The following SLC22A23 variants were observed in gnomAD, a reference collection of about 807,000 sequenced individuals.
The protein encoded by SLC22A23 is ion transporter protein.
Under a neutral mutation model 61.0 loss-of-function variants are expected in SLC22A23, and 26 were observed. That is an observed-to-expected ratio of 0.43 (90% confidence interval 0.31 to 0.59). The LOEUF is 0.59. SLC22A23 is among the 20% of genes least tolerant of loss of function. The probability of loss-of-function intolerance (pLI) is 0.11; values close to 1 mark genes in which losing one functional copy is unlikely to be tolerated. For missense variants in SLC22A23, 796 were observed against 934.7 expected (o/e 0.85, Z 1.94); for synonymous variants, 430 against 413.9 (o/e 1.04, Z -0.47).
At chr6:3,368,754 G>A (rs1766006748) in intron 3 of SLC22A23, among the ~76,000 whole-genome samples, 1 of 152,204 alleles carries the variant, frequency 6.6e-6, no homozygotes, top group Non-Finnish European at 1.5e-5. Context: ...AGTGAGGAAA[G>A]ACAGCCAAGA....
chr6:3,456,406 G>A lies in SLC22A23; in HGVS notation c.154C>T (p.Pro52Ser), dbSNP rs1486485445. Residue 52 changes from proline to serine, a missense_variant, in exon 1 of 10, where the codon CCG (proline) becomes TCG (serine). Physicochemically the swap from Pro to Ser is moderately conservative, Grantham distance 74 (BLOSUM62 -1). Coordinates refer to ENST00000406686, the MANE Select transcript of SLC22A23 (RefSeq NM_015482.2). This position sits in a 1 kb window ranked among gnomAD's most constrained non-coding sequence, Gnocchi z 7.1. ...CCTCCAGGATGCAGTGGGGGCAGCG[G>A]CTGGATCTCCGCGCCGCCGCCGGGG... ...AGPGGGAEIQ[P>S]LPPLHPGGGP... 2 of 1,436,680 alleles carry A rather than the reference G, an allele frequency of 1.4e-6. No homozygotes were observed. Among genetic ancestry groups the A allele is most frequent in the African/African-American group, 1.5e-5 (1 of 67,948 alleles). 89.0% of individuals were successfully genotyped at this position (1,436,680 alleles called of 1,614,324 possible). A position where few individuals can be genotyped will look rare whatever the true frequency, so the allele number is the denominator to read the frequency against.
intron 3 of SLC22A23, among the ~76,000 whole-genome samples, chr6:3,406,547 T>TGC (rs10554434): frequency 2.2e-5 from 2 of 89,116 alleles, no homozygotes; most frequent in Non-Finnish European, 2.4e-5. Flanking sequence ...TGTGTGTGTG[T>TGC]GCGCGCATGT....
intron 9 of SLC22A23, chr6:3,283,385 T>G (rs1759658953): frequency 4.7e-6 from 1 of 212,308 alleles, no homozygotes; most frequent in Non-Finnish European, 9.7e-6. Flanking sequence ...TGAGCCAAGA[T>G]CATGCCATTG....
chr6:3,371,366 C>G lies in SLC22A23; in HGVS notation c.913+38822G>C, dbSNP rs140036280. 1.5e-3 allele frequency among the ~76,000 whole-genome samples: 236 copies of G among 152,334 alleles called. 1 individual carries two copies. The highest frequency in any genetic ancestry group is 2.7e-3 in the Non-Finnish European group (186 of 68,032). ...TTGCCAGGGCTGTGATCTAATAAAA[C>G]TTTATTTGTGGACATTGAAATGGAA... On this transcript the variant is annotated intron_variant, in intron 3 of 9. Transcript: ENST00000406686.
At chr6:3,394,790 G>A (rs115211268) in intron 3 of SLC22A23, among the ~76,000 whole-genome samples, 15 of 152,320 alleles carry the variant, frequency 9.8e-5, no homozygotes, top group African/African-American at 3.6e-4. Context: ...CCACATGATA[G>A]TCCCATGTCC....
In SLC22A23 at chr6:3,357,789, C is replaced by A. The variant is rs1198951045; in HGVS notation, c.914-33787G>T. Among the ~76,000 whole-genome samples, 5 of 152,326 alleles carry A rather than the reference C, an allele frequency of 3.3e-5. No homozygotes were observed. In the East Asian group the frequency reaches 9.6e-4, roughly 29 times the overall value. ...GGGGAGATGCCGAGATGAAGCCACA[C>A]CACCGGCCTCAAGGGGCTCACAGTC... is the stretch of plus-strand genomic sequence containing the variant. On this transcript the variant is annotated intron_variant, in intron 3 of 9. Transcript: ENST00000406686.
At chr6:3,298,013 T>C in intron 5 of SLC22A23, 78 bp downstream of exon 5, 1 of 1,423,326 alleles carries the variant, frequency 7.0e-7, no homozygotes, top group Non-Finnish European at 9.2e-7. Context: ...CAGCTGTTTG[T>C]GCAACAAAAC....
chr6:3,355,161 T>C (rs1308907804), intron 3 of SLC22A23, among the ~76,000 whole-genome samples: 1 of 151,658 alleles, frequency 6.6e-6, no homozygotes, highest in Non-Finnish European at 1.5e-5. Flanking sequence ...GCTCCCTGTC[T>C]TTGTGGCCGC....
intron 3 of SLC22A23, among the ~76,000 whole-genome samples, chr6:3,341,583 G>T (rs111873894): frequency 3.9e-5 from 6 of 152,302 alleles, no homozygotes; most frequent in African/African-American, 1.4e-4. Context: ...TCTGGTGTTA[G>T]ATGACATTCA....
chr6:3,392,162 G>A (rs1008445461), intron 3 of SLC22A23, among the ~76,000 whole-genome samples: 6 of 152,222 alleles, frequency 3.9e-5, no homozygotes, highest in African/African-American at 1.2e-4. Flanking sequence ...ATAGGTTGCT[G>A]AGATCTGGCC....
In SLC22A23 at chr6:3,456,054, C is replaced by A; in HGVS notation, c.506G>T (p.Gly169Val). 6.5e-7 allele frequency: 1 copy of A among 1,548,842 alleles called. No homozygotes were observed. Among genetic ancestry groups the A allele is most frequent in the Non-Finnish European group, 8.7e-7 (1 of 1,146,766 alleles). The change falls in exon 1 of 10, where the codon GGC becomes GTC. Residue 169 changes from glycine to valine, a missense_variant. Gly to Val is a moderately radical substitution (Grantham distance 109, BLOSUM62 -3). Transcript: ENST00000406686. The surrounding 1 kb of genome is among the most constrained non-coding windows in gnomAD (Gnocchi z 7.1). ...PFATAPWEAAGNRSNSSGADG... is the reference protein window; with the variant it reads ...PFATAPWEAAVNRSNSSGADG... ...CGCGCCGCTGCTGTTGCTCCGGTTG[C>A]CCGCAGCCTCCCAGGGGGCAGTGGC...
At chr6:3,452,576 G>A (rs187952655) in intron 1 of SLC22A23, among the ~76,000 whole-genome samples, 478 of 120,336 alleles carry the variant, frequency 4.0e-3, no homozygotes, top group African/African-American at 0.015. Context: ...ACTCCAGCCT[G>A]GGCAACAGAG....
At chr6:3,339,659 G>A (rs966984134) in intron 3 of SLC22A23, among the ~76,000 whole-genome samples, 1 of 152,110 alleles carries the variant, frequency 6.6e-6, no homozygotes, top group Non-Finnish European at 1.5e-5. Context: ...ACCTCTGGTC[G>A]TCCTCACTGC....
Position 3,309,657 on chromosome 6 carries a change from G to A in SLC22A23, c.1083-11439C>T, listed in dbSNP as rs911502878. Among the ~76,000 whole-genome samples, 3 of 152,172 alleles carry A rather than the reference G, an allele frequency of 2.0e-5. No homozygotes were observed. The highest frequency in any genetic ancestry group is 4.8e-5 in the African/African-American group (2 of 41,408). ...GGCAGCGGGCCAGCTGCACACAGGC[G>A]TTCCAGCCTCCTTGGTGGTACAGGA... On this transcript the variant is annotated intron_variant, in intron 4 of 9. Coordinates refer to ENST00000406686, the MANE Select transcript of SLC22A23 (RefSeq NM_015482.2). This position sits in a 1 kb window ranked among gnomAD's most constrained non-coding sequence, Gnocchi z 4.7.
intron 7 of SLC22A23, 125 bp from the exon 8 acceptor site, chr6:3,285,236 C>T (rs11759837): frequency 0.014 from 18,880 of 1,333,440 alleles, 180 homozygotes; most frequent in Non-Finnish European, 0.017. Flanking sequence ...AAGCAAACTC[C>T]CTTCCGTGTC....
chr6:3,370,503 C>T (rs759813317), intron 3 of SLC22A23, among the ~76,000 whole-genome samples: 2 of 152,262 alleles, frequency 1.3e-5, no homozygotes, highest in Non-Finnish European at 2.9e-5. Flanking sequence ...ACCACAGATA[C>T]ACACACAGCC....
At chr6:3,400,617 C>T (rs1471116232) in intron 3 of SLC22A23, among the ~76,000 whole-genome samples, 1 of 152,234 alleles carries the variant, frequency 6.6e-6, no homozygotes, top group Non-Finnish European at 1.5e-5. Flanking sequence ...TTTGAGTAGT[C>T]AGCTACCTTG....
At chr6:3,279,233 G>A (rs1460097969) in intron 9 of SLC22A23, among the ~76,000 whole-genome samples, 2 of 151,686 alleles carry the variant, frequency 1.3e-5, no homozygotes, top group South Asian at 2.1e-4. Flanking sequence ...TGATATGGCC[G>A]GGCATGGTGG....
intron 3 of SLC22A23, among the ~76,000 whole-genome samples, chr6:3,326,937 G>C (rs1313156522): frequency 6.6e-6 from 1 of 152,196 alleles, no homozygotes; most frequent in Non-Finnish European, 1.5e-5. Context: ...GAACACATGA[G>C]GACATTTCAG....
Sources: allele counts gnomAD v4.1 joint callset (sites outside exome capture counted in the v4.1 genomes callset), GRCh38; gene constraint gnomAD v4.1.1; non-coding constraint Gnocchi (gnomAD v3.1); transcripts MANE v1.5; gene names NCBI Gene and HGNC (gene_info 2026-07-23, HGNC 2026-07-21).